KNDC1: variants seen among roughly 807,000 people sequenced by gnomAD.
The protein encoded by KNDC1 is kinase non-catalytic C-lobe domain containing 1, also known as kinase non-catalytic C-lobe domain-containing protein 1.
KNDC1 carries 106 observed loss-of-function variants against 172.8 expected under a neutral mutation model. The observed-to-expected ratio is 0.61, with a 90% CI of 0.52 to 0.72. The LOEUF (loss-of-function observed/expected upper bound fraction) is 0.72. Among genes scored for constraint, KNDC1 ranks in the 30% least tolerant of loss-of-function variants. The pLI is 0.00. For missense variants in KNDC1, 2,325 were observed against 2,394.5 expected, an observed-to-expected ratio of 0.97 and a Z score of 0.61; for synonymous variants, 1,083 against 1,062.2, an observed-to-expected ratio of 1.02 and a Z score of -0.38.
chr10:133,197,901 C>T (rs1854239399), intron 12 of KNDC1, 133 bp downstream of exon 12: 22 of 763,240 alleles, frequency 2.9e-5, no homozygotes, highest in South Asian at 4.3e-5. Context: ...GCTCGGCCAA[C>T]GTGGCCCATG....
At chr10:133,192,661 AACTC>A (rs1854094254) in intron 9 of KNDC1, among the ~76,000 whole-genome samples, 2 of 152,326 alleles carry the variant, frequency 1.3e-5, no homozygotes, top group South Asian at 4.1e-4. Context: ...TTTTTAAAAA[AACTC>A]AATGAATGGG....
Position 133,198,886 on chromosome 10 carries a change from C to A in KNDC1, c.2378C>A (p.Pro793His). The change falls in exon 14 of 30, where the codon CCC becomes CAC. Residue 793 changes from proline to histidine, a missense_variant. Physicochemically the swap from Pro to His is moderately conservative, Grantham distance 77. Transcript: ENST00000304613. ...PAPPTKASAL[P>H]VEQGPAEPIP... ...CCGCCCACGAAGGCATCTGCGCTGC[C>A]CGTAGAGCAAGGGCCGGCTGAGCCG... 6.3e-7 allele frequency: 1 copy of A among 1,594,368 alleles called. No homozygotes were observed. The highest frequency in any genetic ancestry group is 2.3e-5 in the East Asian group (1 of 44,260).
intron 26 of KNDC1, 56 bp downstream of exon 26, chr10:133,214,178 G>T: frequency 6.3e-7 from 1 of 1,591,826 alleles, no homozygotes. Flanking sequence ...CCTACGCGGG[G>T]GTGGCAGCGC....
chr10:133,201,412 G>A, intron 16 of KNDC1, 89 bp from the exon 17 acceptor site: 3 of 1,388,660 alleles, frequency 2.2e-6, no homozygotes, highest in Middle Eastern at 2.7e-4. Flanking sequence ...CGTCGGGTGT[G>A]CAAGCACCAC....
At chr10:133,178,659 CTG>C (rs1853628099) in intron 3 of KNDC1, among the ~76,000 whole-genome samples, 1 of 152,218 alleles carries the variant, frequency 6.6e-6, no homozygotes. Flanking sequence ...CTGGCTGCCT[CTG>C]TGCCTCCTGA....
chr10:133,186,472 G>A lies in KNDC1; in HGVS notation c.1124G>A (p.Arg375Gln), dbSNP rs535222925. 1.2e-5 allele frequency: 20 copies of A among 1,612,412 alleles called. No individual in the cohort carries two copies. Among genetic ancestry groups the A allele is most frequent in the South Asian group, 1.2e-4 (11 of 91,058 alleles). Residue 375 changes from arginine (R) to glutamine (Q), a missense_variant, in exon 6 of 30, where the codon CGG (arginine) becomes CAG (glutamine). Arg to Gln is a conservative substitution (Grantham distance 43). Coordinates refer to ENST00000304613, the MANE Select transcript of KNDC1 (RefSeq NM_152643.8). ...CAGGAGCCGGAACACCAGCTGGGAC[G>A]GGTTCCCTGTGCAGGCCGCAGCACG... ...PEQEPEHQLG[R>Q]VPCAGRSTDR...
At chr10:133,193,886 C>T (rs1854122162) in intron 9 of KNDC1, among the ~76,000 whole-genome samples, 1 of 152,226 alleles carries the variant, frequency 6.6e-6, no homozygotes, top group African/African-American at 2.4e-5. Context: ...CAATCCTAAA[C>T]ATATATGCAC....
chr10:133,219,746 C>A (rs1845542827), intron 28 of KNDC1, among the ~76,000 whole-genome samples: 1 of 152,222 alleles, frequency 6.6e-6, no homozygotes, highest in African/African-American at 2.4e-5. Context: ...CTGTCAGGGC[C>A]GTGAAAGCTT....
chr10:133,188,674 T>TGGG, intron 7 of KNDC1, 21 bp downstream of exon 7: 3 of 1,215,878 alleles, frequency 2.5e-6, no homozygotes, highest in Non-Finnish European at 3.2e-6. Flanking sequence ...CACCATCCCA[T>TGGG]CCCCCCCGCC....
Position 133,224,688 on chromosome 10 carries a change from A to G in KNDC1, c.5048A>G (p.His1683Arg). The G allele has an allele frequency of 6.2e-7, 1 of 1,614,080 alleles. No homozygotes were observed. Among genetic ancestry groups the G allele is most frequent in the East Asian group, 2.2e-5 (1 of 44,884 alleles). ...ATCGCAAAGGTGGTGAGCCAGGTGC[A>G]CGCGTTCCAGGAGAACCCTTACACC... Reference protein sequence around the residue: ...RNIAKVVSQVHAFQENPYTFS... With the variant: ...RNIAKVVSQVRAFQENPYTFS... The change falls in exon 30 of 30, where the codon CAC (histidine) becomes CGC (arginine). Residue 1683 changes from histidine (H) to arginine (R), a missense_variant. By Grantham distance (29) the His-to-Arg change is conservative (BLOSUM62 0). Coordinates refer to ENST00000304613, the MANE Select transcript of KNDC1 (RefSeq NM_152643.8). This position sits in a 1 kb window ranked among gnomAD's most constrained non-coding sequence, Gnocchi z 5.4.
At chr10:133,196,483 G>A (rs1406784663) in intron 10 of KNDC1, among the ~76,000 whole-genome samples, 4 of 152,044 alleles carry the variant, frequency 2.6e-5, no homozygotes, top group Admixed American at 1.3e-4. Context: ...CTGGGGGAGC[G>A]GAGACGGCCA....
chr10:133,165,082 C>T (rs1029499866), intron 1 of KNDC1, among the ~76,000 whole-genome samples: 1 of 152,160 alleles, frequency 6.6e-6, no homozygotes, highest in African/African-American at 2.4e-5. Flanking sequence ...CCTGGGTGGC[C>T]GGGCTCAGGA....
intron 21 of KNDC1, among the ~76,000 whole-genome samples, chr10:133,211,115 C>T (rs1456361299): frequency 6.6e-6 from 1 of 152,054 alleles, no homozygotes; most frequent in East Asian, 1.9e-4. Flanking sequence ...ATGGCCAGCA[C>T]CTGGTGTCAG....
chr10:133,216,895 G>A (rs1035984506), intron 26 of KNDC1, among the ~76,000 whole-genome samples: 18 of 152,376 alleles, frequency 1.2e-4, no homozygotes, highest in Admixed American at 3.9e-4. Flanking sequence ...GATGAACCTC[G>A]AGGGACTCAG....
intron 17 of KNDC1, 168 bp downstream of exon 17, chr10:133,202,066 C>T (rs1382914740): frequency 8.7e-6 from 7 of 803,508 alleles, no homozygotes; most frequent in East Asian, 8.0e-5. Flanking sequence ...AGGGCCCCCT[C>T]CCTGGGCTGA....
At chr10:133,183,241 C>A in intron 3 of KNDC1, 103 bp from the exon 4 acceptor site, 1 of 1,344,840 alleles carries the variant, frequency 7.4e-7, no homozygotes, top group Non-Finnish European at 1.0e-6. Context: ...AGGGGAATCT[C>A]ACGATTCCTG....
chr10:133,175,632 T>C (rs931021329), intron 3 of KNDC1, among the ~76,000 whole-genome samples: 1 of 148,336 alleles, frequency 6.7e-6, no homozygotes, highest in South Asian at 2.2e-4. Flanking sequence ...GATGGATTGA[T>C]GAGTGTATGA....
chr10:133,177,354 A>G (rs1488123195), intron 3 of KNDC1, among the ~76,000 whole-genome samples: 2 of 152,102 alleles, frequency 1.3e-5, no homozygotes, highest in African/African-American at 4.8e-5. Flanking sequence ...CATGCATGGC[A>G]TGCTATGTCT....
At chr10:133,166,621 C>T (rs530182621) in intron 1 of KNDC1, among the ~76,000 whole-genome samples, 4 of 152,158 alleles carry the variant, frequency 2.6e-5, no homozygotes, top group East Asian at 1.9e-4. Context: ...CTTGCACCAG[C>T]GTCCGAGTGT....
Sources: allele counts gnomAD v4.1 joint callset (sites outside exome capture counted in the v4.1 genomes callset), GRCh38; gene constraint gnomAD v4.1.1; non-coding constraint Gnocchi (gnomAD v3.1); transcripts MANE v1.5; gene names NCBI Gene and HGNC (gene_info 2026-07-23, HGNC 2026-07-21).